Variants in TBC1D5 observed in about 807,000 individuals in gnomAD.
TBC1D5 encodes TBC1 domain family, member 5.
In TBC1D5, 75 loss-of-function variants were observed where a neutral mutation model predicts 100.3. That is an observed-to-expected ratio of 0.75 (90% CI 0.62 to 0.91). TBC1D5 has a LOEUF of 0.91. Ranked by LOEUF, TBC1D5 falls within the 40% of genes least tolerant of loss-of-function variation. TBC1D5 has a pLI of 0.00. For synonymous variants in TBC1D5, 323 were observed against 325.6 expected (o/e 0.99, Z 0.09); for missense variants, 910 against 942.4 (o/e 0.97, Z 0.45).
intron 13 of TBC1D5, among the ~76,000 whole-genome samples, chr3:17,337,842 T>C (rs1421217082): frequency 1.3e-5 from 2 of 152,198 alleles, no homozygotes; most frequent in Non-Finnish European, 2.9e-5. Context: ...CTGTCTGGCC[T>C]CTACCTAATG....
chr3:17,557,352 A>G (rs1440275024), intron 2 of TBC1D5, among the ~76,000 whole-genome samples: 1 of 152,216 alleles, frequency 6.6e-6, no homozygotes, highest in Non-Finnish European at 1.5e-5. Context: ...ACATAAAATA[A>G]CATTCCATTT....
intron 1 of TBC1D5, among the ~76,000 whole-genome samples, chr3:17,718,001 G>T (rs1316339770): frequency 6.6e-6 from 1 of 152,096 alleles, no homozygotes; most frequent in Admixed American, 6.5e-5. Context: ...GACAAGAGTG[G>T]TTTTTCCTTC....
chr3:17,186,767 A>AATAG (rs898456455), intron 18 of TBC1D5, among the ~76,000 whole-genome samples: 1 of 151,356 alleles, frequency 6.6e-6, no homozygotes, highest in Non-Finnish European at 1.5e-5. Flanking sequence ...AAGAAAAGAA[A>AATAG]ATAGACATAA....
intron 18 of TBC1D5, among the ~76,000 whole-genome samples, chr3:17,197,409 C>T (rs552124788): frequency 2.7e-4 from 41 of 152,158 alleles, no homozygotes; most frequent in African/African-American, 8.7e-4. Context: ...GACAAAGTCT[C>T]GCTGTTACCC....
chr3:17,620,232 A>T (rs2062540732), intron 2 of TBC1D5, among the ~76,000 whole-genome samples: 1 of 152,194 alleles, frequency 6.6e-6, no homozygotes, highest in Admixed American at 6.5e-5. Context: ...GGCTCAGGGG[A>T]TCCTCTCAAG....
intron 17 of TBC1D5, among the ~76,000 whole-genome samples, chr3:17,223,838 T>G (rs2074544451): frequency 6.6e-6 from 1 of 152,036 alleles, no homozygotes; most frequent in Non-Finnish European, 1.5e-5. Flanking sequence ...GAGGTTGCAG[T>G]GAGCTGAGAT....
At chr3:17,592,255 C>T (rs768543493) in intron 2 of TBC1D5, among the ~76,000 whole-genome samples, 32 of 152,150 alleles carry the variant, frequency 2.1e-4, no homozygotes, top group Non-Finnish European at 4.1e-4. Context: ...TTTTTGCTTC[C>T]GTAAGATATC....
chr3:17,396,292 T>G (rs2093502599), intron 8 of TBC1D5, among the ~76,000 whole-genome samples: 1 of 152,144 alleles, frequency 6.6e-6, no homozygotes. Context: ...TATTTTGGTG[T>G]GATCACAGGA....
intron 1 of TBC1D5, among the ~76,000 whole-genome samples, chr3:17,717,958 T>C (rs965318983): frequency 2.0e-5 from 3 of 152,200 alleles, no homozygotes; most frequent in Non-Finnish European, 2.9e-5. Context: ...AATACTGCTC[T>C]AGAATTCAAC....
chr3:17,296,848 A>C (rs2082304994), intron 14 of TBC1D5, among the ~76,000 whole-genome samples: 1 of 152,240 alleles, frequency 6.6e-6, no homozygotes. Flanking sequence ...AGAATAATAT[A>C]AGACTTTTAA....
chr3:17,294,177 C>T (rs1018784866), intron 14 of TBC1D5, among the ~76,000 whole-genome samples: 4 of 151,630 alleles, frequency 2.6e-5, no homozygotes, highest in Non-Finnish European at 5.9e-5. Flanking sequence ...TCCAGAAAAG[C>T]TTGATTGATT....
intron 19 of TBC1D5, among the ~76,000 whole-genome samples, chr3:17,170,900 T>C (rs1415503224): frequency 6.6e-6 from 1 of 152,208 alleles, no homozygotes. Context: ...CTGAATTGCC[T>C]TTAACTGGCA....
intron 17 of TBC1D5, among the ~76,000 whole-genome samples, chr3:17,218,609 T>A (rs1019498218): frequency 1.3e-5 from 2 of 152,020 alleles, no homozygotes; most frequent in African/African-American, 4.8e-5. Context: ...TATTGAATAC[T>A]CTCAGTTTCT....
At chr3:17,654,554 C>T (rs1177155422) in intron 1 of TBC1D5, among the ~76,000 whole-genome samples, 4 of 152,132 alleles carry the variant, frequency 2.6e-5, no homozygotes, top group Non-Finnish European at 4.4e-5. Flanking sequence ...CTGCTGGATT[C>T]GGTTTGCCAG....
At chr3:17,171,324 G>C (rs981694351) in intron 19 of TBC1D5, among the ~76,000 whole-genome samples, 1 of 152,126 alleles carries the variant, frequency 6.6e-6, no homozygotes, top group East Asian at 1.9e-4. Context: ...TTTTTGGAGG[G>C]GGATGGAGTT....
chr3:17,595,853 T>C (rs1300664362), intron 2 of TBC1D5, among the ~76,000 whole-genome samples: 1 of 152,198 alleles, frequency 6.6e-6, no homozygotes, highest in African/African-American at 2.4e-5. Context: ...ACTGGCAGTA[T>C]TTCCTCACCA....
intron 1 of TBC1D5, among the ~76,000 whole-genome samples, chr3:17,660,111 A>G (rs1335727184): frequency 1.3e-5 from 2 of 152,212 alleles, no homozygotes; most frequent in Non-Finnish European, 2.9e-5. Context: ...TCTCCACATA[A>G]CAAAGAAAGC....
chr3:17,580,661 C>A (rs1221641361), intron 2 of TBC1D5, among the ~76,000 whole-genome samples: 1 of 152,102 alleles, frequency 6.6e-6, no homozygotes, highest in East Asian at 1.9e-4. Context: ...TTAAAAAAAT[C>A]CTCTCTTCAC....
intron 15 of TBC1D5, among the ~76,000 whole-genome samples, chr3:17,261,980 AC>A (rs1210786089): frequency 6.6e-6 from 1 of 152,072 alleles, no homozygotes; most frequent in Non-Finnish European, 1.5e-5. Context: ...GAAAAATCAG[AC>A]CCCATGAAAA....
Sources: gnomAD v4.1 joint callset for allele counts (sites outside exome capture counted in the v4.1 genomes callset) on GRCh38, gnomAD v4.1.1 for gene constraint, MANE v1.5 for transcripts, NCBI Gene and HGNC (gene_info 2026-07-23, HGNC 2026-07-21) for gene names.